Variants in C3orf20 observed in about 807,000 individuals in gnomAD.
The protein encoded by C3orf20 is family with sequence similarity 149 member C, also known as uncharacterized protein C3orf20.
A neutral mutation model predicts 88.3 loss-of-function variants in C3orf20; 76 were observed. The ratio of observed to expected loss-of-function variants is 0.86; its 90% CI spans 0.72 to 1.04. The LOEUF (loss-of-function observed/expected upper bound fraction) is 1.04. Among genes scored for constraint, C3orf20 ranks in the 50% least tolerant of loss-of-function variants. C3orf20 has a pLI of 0.00. For missense variants in C3orf20, 1,056 were observed against 1,123.3 expected, an observed-to-expected ratio of 0.94 and a Z score of 0.86; for synonymous variants, 436 against 437.4, an observed-to-expected ratio of 1.00 and a Z score of 0.04.
intron 5 of C3orf20, among the ~76,000 whole-genome samples, chr3:14,699,967 A>C (rs981365821): frequency 6.6e-6 from 1 of 152,224 alleles, no homozygotes; most frequent in African/African-American, 2.4e-5. Context: ...GGGCAGGTCT[A>C]AATGCTCCCT....
Position 14,714,110 on chromosome 3 carries a change from C to G in C3orf20, c.1264C>G (p.Leu422Val), listed in dbSNP as rs6790129. 0.41 allele frequency: 657,233 copies of G among 1,612,970 alleles called. 135,891 individuals are homozygous for G. Among genetic ancestry groups the G allele is most frequent in the Middle Eastern group, 0.47 (2,817 of 5,968 alleles). The change falls in exon 8 of 17, where the codon CTA (leucine) becomes GTA (valine). Residue 422 changes from leucine (L) to valine (V), a missense_variant. Physicochemically the swap from Leu to Val is conservative, Grantham distance 32 (BLOSUM62 1). Transcript: ENST00000253697. Reference protein sequence around the residue: ...NDIPGFSLLALFNTEGQGCVH... With the variant: ...NDIPGFSLLAVFNTEGQGCVH... ...CATACCTGGATTCTCCTTGCTGGCC[C>G]TATTCAATACTGAAGGCCAGGGCTG...
chr3:14,761,668 C>T, intron 15 of C3orf20, 53 bp downstream of exon 15: 1 of 1,549,100 alleles, frequency 6.5e-7, no homozygotes, highest in Non-Finnish European at 8.8e-7. Flanking sequence ...GTATGGAGGG[C>T]AGAAAGGAGA....
At chr3:14,722,738 C>G (rs6802345) in intron 10 of C3orf20, among the ~76,000 whole-genome samples, 3,157 of 152,240 alleles carry the variant, frequency 0.021, 103 homozygotes, top group African/African-American at 0.071. Context: ...AAATCTTTAC[C>G]AAATATTTTT....
In C3orf20 at chr3:14,704,401, A is replaced by G; in HGVS notation, c.943A>G (p.Lys315Glu). Residue 315 changes from lysine (K) to glutamate (E), a missense_variant, in exon 7 of 17, where the codon AAG becomes GAG. Coordinates refer to ENST00000253697, the MANE Select transcript of C3orf20 (RefSeq NM_032137.5). ...ISYPMILRNY[K>E]AKMPSHLMLA... ...CTACCCCATGATCTTACGAAACTAC[A>G]AGGCAAAGATGCCCTCTCATCTAAT... 1 of 1,614,096 alleles carries G rather than the reference A, an allele frequency of 6.2e-7. No homozygotes were observed. Among genetic ancestry groups the G allele is most frequent in the South Asian group, 1.1e-5 (1 of 91,080 alleles).
chr3:14,696,768 T>A (rs1337729502), intron 5 of C3orf20, among the ~76,000 whole-genome samples: 1 of 152,024 alleles, frequency 6.6e-6, no homozygotes, highest in Non-Finnish European at 1.5e-5. Context: ...TGTAATATTC[T>A]GGTTTTCTCT....
rs1297252430 is a variant in C3orf20, at chr3:14,711,364, A to G, written c.1161-2643A>G. ...TCTGTTATTAGGTGTGTATATCTCT[A>G]TAATTGTTACATATTCTTAAGGCAT... On this transcript the variant is annotated intron_variant, in intron 7 of 16. Coordinates refer to ENST00000253697, the MANE Select transcript of C3orf20 (RefSeq NM_032137.5). Among the ~76,000 whole-genome samples, 9 of 152,088 alleles carry G rather than the reference A, an allele frequency of 5.9e-5. No homozygotes were observed. The East Asian group carries it at 7.7e-4, about 13-fold the overall frequency.
intron 4 of C3orf20, among the ~76,000 whole-genome samples, chr3:14,685,484 G>C (rs201912466): frequency 0.017 from 2,411 of 141,316 alleles, 26 homozygotes; most frequent in Middle Eastern, 0.083. Context: ...CTCTCTCTGT[G>C]CGTGCGTGCG....
At chr3:14,727,928 CA>C (rs759829687) in intron 11 of C3orf20, among the ~76,000 whole-genome samples, 1 of 152,186 alleles carries the variant, frequency 6.6e-6, no homozygotes, top group Non-Finnish European at 1.5e-5. Context: ...GCATGCTCAG[CA>C]CCCACATTTG....
intron 9 of C3orf20, among the ~76,000 whole-genome samples, chr3:14,719,377 C>A (rs755138035): frequency 5.9e-5 from 9 of 152,014 alleles, no homozygotes; most frequent in Non-Finnish European, 1.2e-4. Flanking sequence ...TTAAAGGGGT[C>A]ATTTCAATAA....
rs1559398385 is a variant in C3orf20 at position 14,690,076 on chromosome 3, C to T, written c.705C>T (p.Ser235=). ...LIYHSSTACL[S]FSLSAGKEAK... is the part of the protein sequence containing the mutation. Reference sequence around the variant, plus strand: ...ACCACTCTTCCACAGCCTGTCTGAGCTTTTCTCTCTCTGCTGGAAAAGAAG... The same window carrying T: ...ACCACTCTTCCACAGCCTGTCTGAGTTTTTCTCTCTCTGCTGGAAAAGAAG... Residue 235 remains serine, a synonymous_variant, in exon 5 of 17, where the codon AGC becomes AGT. Coordinates refer to ENST00000253697, the MANE Select transcript of C3orf20 (RefSeq NM_032137.5). 6.2e-7 allele frequency: 1 copy of T among 1,614,196 alleles called. No homozygotes were observed.
chr3:14,772,702 C>A lies in C3orf20; in HGVS notation c.2631-89C>A, dbSNP rs1482440181. ...AGCCTCACCTGTGCAAGGGAGAGGG[C>A]CTTGCCCCTCCTGGCCCAACCGGGC... On this transcript the variant is annotated intron_variant, in intron 16 of 16. Coordinates refer to ENST00000253697, the MANE Select transcript of C3orf20 (RefSeq NM_032137.5). This position sits in a 1 kb window ranked among gnomAD's most constrained non-coding sequence, Gnocchi z 4.2. 1 of 1,028,776 alleles carries A rather than the reference C, an allele frequency of 9.7e-7. No homozygotes were observed. Among genetic ancestry groups the A allele is most frequent in the Non-Finnish European group, 1.5e-6 (1 of 664,182 alleles). 63.7% of individuals were successfully genotyped at this position (1,028,776 alleles called of 1,614,324 possible).
intron 5 of C3orf20, 46 bp from the exon 6 acceptor site, chr3:14,703,084 C>T (rs768862329): frequency 6.2e-6 from 10 of 1,606,218 alleles, no homozygotes. Flanking sequence ...AAGGTGGGTT[C>T]CCATGGTCTT....
At chr3:14,765,856 C>G (rs1443932449) in intron 15 of C3orf20, among the ~76,000 whole-genome samples, 1 of 152,220 alleles carries the variant, frequency 6.6e-6, no homozygotes, top group Non-Finnish European at 1.5e-5. Context: ...GGAAGAGGAA[C>G]CCACAAAGGA....
At chr3:14,765,369 G>A (rs181556836) in intron 15 of C3orf20, 4 of 152,422 alleles carry the variant, frequency 2.6e-5, no homozygotes, top group Non-Finnish European at 4.4e-5. Context: ...CAGAGGCCAT[G>A]GAAGGGGTAG....
chr3:14,700,380 T>A (rs2124928751), intron 5 of C3orf20, among the ~76,000 whole-genome samples: 1 of 152,336 alleles, frequency 6.6e-6, no homozygotes, highest in Non-Finnish European at 1.5e-5. Flanking sequence ...AATTGTTCTA[T>A]TTTAGTAGGA....
rs982505351 is a variant in C3orf20 at position 14,692,825 on chromosome 3, G to T, written c.745+2709G>T. Among the ~76,000 whole-genome samples, 23 of 152,278 alleles carry T rather than the reference G, an allele frequency of 1.5e-4. 1 individual carries two copies. The highest frequency in any genetic ancestry group is 5.1e-4 in the African/African-American group (21 of 41,558). The stretch of plus-strand genomic sequence containing the variant: ...TTTGCCCACTCCAACGTCCTGGAGA[G>T]TTTCCCCTAATGTTTTCTATTAGTA... On this transcript the variant is annotated intron_variant, in intron 5 of 16. Coordinates refer to ENST00000253697, the MANE Select transcript of C3orf20 (RefSeq NM_032137.5).
rs112264158 is a variant in C3orf20, at chr3:14,726,787, G to C, written c.1567-114G>C. 201 of 1,435,584 alleles carry C rather than the reference G, an allele frequency of 1.4e-4. 1 individual carries two copies. The highest frequency in any genetic ancestry group is 5.0e-4 in the Middle Eastern group (2 of 3,984). 88.9% of individuals were successfully genotyped at this position (1,435,584 alleles called of 1,614,324 possible). ...AGAGGTGTGTTCCAGGTAGGGGTAG[G>C]GGGGCAGGCAATAGCACATCCTCTG... On this transcript the variant is annotated intron_variant, in intron 10 of 16. Transcript: ENST00000253697.
intron 5 of C3orf20, among the ~76,000 whole-genome samples, chr3:14,695,512 G>T (rs529091461): frequency 6.6e-6 from 1 of 152,176 alleles, no homozygotes; most frequent in South Asian, 2.1e-4. Context: ...GGCCCATTTG[G>T]TCTATAGTAT....
intron 15 of C3orf20, chr3:14,767,491 G>C (rs571587853): frequency 6.6e-6 from 1 of 152,388 alleles, no homozygotes; most frequent in South Asian, 2.1e-4. Context: ...CTGTGGGATG[G>C]GGGTGTAGTT....
Sources: gnomAD v4.1 joint callset for allele counts (sites outside exome capture counted in the v4.1 genomes callset) on GRCh38, gnomAD v4.1.1 for gene constraint, Gnocchi (gnomAD v3.1) non-coding constraint, MANE v1.5 for transcripts, NCBI Gene and HGNC (gene_info 2026-07-23, HGNC 2026-07-21) for gene names.